The following COX16 variants were observed in gnomAD, a reference collection of about 807,000 sequenced individuals.
The protein encoded by COX16 is cytochrome c oxidase assembly protein COX16 homolog, mitochondrial.
In COX16, 12 loss-of-function variants were observed where a neutral mutation model predicts 15.4. The ratio of observed to expected loss-of-function variants is 0.78; its 90% confidence interval spans 0.50 to 1.26. COX16 has a LOEUF of 1.26. Among genes scored for constraint, COX16 ranks in the 50% most tolerant of loss-of-function variants. The pLI is 0.00. For synonymous variants in COX16, 46 were observed against 41.1 expected (o/e 1.12, Z -0.46); for missense variants, 124 against 127.6 (o/e 0.97, Z 0.14).
chr14:70,352,823 A>G (rs1247118069), intron 1 of COX16, among the ~76,000 whole-genome samples: 1 of 151,868 alleles, frequency 6.6e-6, no homozygotes, highest in African/African-American at 2.4e-5. Flanking sequence ...CCAGTAATGG[A>G]ATTTCTGGGT....
chr14:70,326,537 A>G (rs2140667451), intron 3 of COX16, 88 bp from the exon 4 acceptor site: 1 of 978,478 alleles, frequency 1.0e-6, no homozygotes, highest in East Asian at 3.1e-5. Context: ...TGAATAAATG[A>G]GTAGAAAGTA....
chr14:70,336,924 T>A (rs377166389), intron 2 of COX16, among the ~76,000 whole-genome samples: 167 of 152,308 alleles, frequency 1.1e-3, no homozygotes, highest in African/African-American at 3.8e-3. Flanking sequence ...AAAAATGCTA[T>A]TACTGCAGTC....
At chr14:70,354,275 C>A (rs77439047) in intron 1 of COX16, among the ~76,000 whole-genome samples, 14,345 of 152,212 alleles carry the variant, frequency 0.094, 747 homozygotes, top group East Asian at 0.18. Flanking sequence ...CTAATACCTG[C>A]AATGTCAAAA....
In COX16 at chr14:70,329,058, T is replaced by C. The variant is rs1886190314; in HGVS notation, c.204+116A>G. 20 of 722,138 alleles carry C rather than the reference T, an allele frequency of 2.8e-5. No individual in the cohort carries two copies. The East Asian group carries it at 2.8e-4, about 10-fold the overall frequency. The allele number at this position is 722,138 out of a possible 1,614,324, so 44.7% of individuals were successfully genotyped here. ...TTATTTGCTTTTCAAATGATTATAGTTTATCAAATACCATATATATTCAAC... is the reference window on the plus strand; with the variant it reads ...TTATTTGCTTTTCAAATGATTATAGCTTATCAAATACCATATATATTCAAC... On this transcript the variant is annotated intron_variant, in intron 3 of 3. Coordinates refer to ENST00000389912, the MANE Select transcript of COX16 (RefSeq NM_016468.7).
Position 70,353,461 on chromosome 14 carries a change from AAT to A in COX16, c.69+6056_69+6057del, listed in dbSNP as rs1005575805. On this transcript the variant is annotated intron_variant, in intron 1 of 3. Coordinates refer to ENST00000389912, the MANE Select transcript of COX16 (RefSeq NM_016468.7). ...ACACATATATATACACACATATATA[AAT>A]ATATATATATACATACACACACACA... Among the ~76,000 whole-genome samples the A allele has an allele frequency of 2.8e-4, 41 of 146,804 alleles. 1 individual carries two copies. The highest frequency in any genetic ancestry group is 1.8e-3 in the Admixed American group (26 of 14,242).
intron 2 of COX16, among the ~76,000 whole-genome samples, chr14:70,330,021 G>T (rs1004584928): frequency 6.6e-6 from 1 of 152,060 alleles, no homozygotes; most frequent in African/African-American, 2.4e-5. Context: ...AAATAAAGGG[G>T]AGGGAGAGCA....
intron 1 of COX16, among the ~76,000 whole-genome samples, chr14:70,351,460 G>A (rs2877656): frequency 0.87 from 132,565 of 152,240 alleles, 57,784 homozygotes; most frequent in East Asian, 0.93. Flanking sequence ...ACCCCTTGCA[G>A]ATAAAAGGGT....
At chr14:70,327,910 A>AC (rs1886133317) in intron 3 of COX16, among the ~76,000 whole-genome samples, 1 of 152,014 alleles carries the variant, frequency 6.6e-6, no homozygotes, top group Non-Finnish European at 1.5e-5. Flanking sequence ...TGAGTGTGGA[A>AC]CAGCGTCAAG....
chr14:70,326,251 C>CTTGA lies in COX16; in HGVS notation c.*78_*81dup, dbSNP rs1022325591. Reference sequence around the variant, plus strand: ...CCATGGGCCTGGAATTTCCTTTCCACTTGATAGAAGTATATATTAGGAAGT... The same window carrying CTTGA: ...CCATGGGCCTGGAATTTCCTTTCCACTTGATTGATAGAAGTATATATTAGGAAGT... On this transcript the variant is annotated 3_prime_UTR_variant, in exon 4 of 4. Coordinates refer to ENST00000389912, the MANE Select transcript of COX16 (RefSeq NM_016468.7). 3.1e-5 allele frequency: 36 copies of CTTGA among 1,148,104 alleles called. No homozygotes were observed. The African/African-American group carries it at 4.6e-4, about 15-fold the overall frequency. 71.1% of individuals were successfully genotyped at this position (1,148,104 alleles called of 1,614,324 possible). A position where few individuals can be genotyped will look rare whatever the true frequency, so the allele number is the denominator to read the frequency against.
rs770646986 is a variant in COX16, at chr14:70,326,471, A to T, written c.205-22T>A. The T allele has an allele frequency of 1.2e-5, 18 of 1,549,440 alleles. No individual in the cohort carries two copies. In the East Asian group the frequency reaches 3.7e-4, roughly 32 times the overall value. ...TTTTCTATAGAACCACAAAAAATTA[A>T]AGTATAAATATTAGTATAAGAGCCT... On this transcript the variant is annotated intron_variant, in intron 3 of 3. Coordinates refer to ENST00000389912, the MANE Select transcript of COX16 (RefSeq NM_016468.7).
At chr14:70,332,974 C>T (rs1308841465) in intron 2 of COX16, among the ~76,000 whole-genome samples, 1 of 152,198 alleles carries the variant, frequency 6.6e-6, no homozygotes, top group Non-Finnish European at 1.5e-5. Flanking sequence ...AACCTTGGAG[C>T]CTTCATAAGA....
At chr14:70,358,118 C>CA (rs1359848443) in intron 1 of COX16, among the ~76,000 whole-genome samples, 2 of 152,066 alleles carry the variant, frequency 1.3e-5, no homozygotes, top group South Asian at 2.1e-4. Flanking sequence ...AATCCAGTCA[C>CA]AAAAAACCCA....
At position 70,326,252 on chromosome 14, in the gene COX16, T is replaced by C; in HGVS notation, c.*81A>G. On this transcript the variant is annotated 3_prime_UTR_variant, in exon 4 of 4. Coordinates refer to ENST00000389912, the MANE Select transcript of COX16 (RefSeq NM_016468.7). The stretch of plus-strand genomic sequence containing the variant: ...CATGGGCCTGGAATTTCCTTTCCAC[T>C]TGATAGAAGTATATATTAGGAAGTC... 8.7e-7 allele frequency: 1 copy of C among 1,155,344 alleles called. No homozygotes were observed. 71.6% of individuals were successfully genotyped at this position (1,155,344 alleles called of 1,614,324 possible).
At chr14:70,339,076 TATA>T (rs1447066094) in intron 2 of COX16, among the ~76,000 whole-genome samples, 2 of 152,228 alleles carry the variant, frequency 1.3e-5, no homozygotes, top group African/African-American at 4.8e-5. Context: ...TCACAATATT[TATA>T]ATGTTAAAAA....
intron 2 of COX16, among the ~76,000 whole-genome samples, chr14:70,336,225 C>T (rs1007458053): frequency 6.6e-6 from 1 of 152,114 alleles, no homozygotes; most frequent in Non-Finnish European, 1.5e-5. Flanking sequence ...CACTGAACTC[C>T]AGCCTGGACC....
chr14:70,342,544 T>C, intron 2 of COX16, 114 bp downstream of exon 2: 1 of 922,238 alleles, frequency 1.1e-6, no homozygotes, highest in Non-Finnish European at 1.6e-6. Flanking sequence ...GATCACATCT[T>C]AGTGTTGAAA....
In COX16 at chr14:70,326,348, C is replaced by T. The variant is rs371649449; in HGVS notation, c.306G>A (p.Lys102=). Residue 102 remains lysine, a synonymous_variant, in exon 4 of 4, where the codon AAG becomes AAA. Coordinates refer to ENST00000389912, the MANE Select transcript of COX16 (RefSeq NM_016468.7). ...LLQGRNPESL[K]TKTT is the part of the protein sequence containing the mutation. The stretch of plus-strand genomic sequence containing the variant: ...ATCAGCAGAGTCAAGTTGTCTTAGT[C>T]TTAAGGCTTTCTGGATTTCTTCCTT... The T allele has an allele frequency of 1.0e-4, 162 of 1,555,766 alleles. No individual in the cohort carries two copies. Among genetic ancestry groups the T allele is most frequent in the Non-Finnish European group, 9.6e-6 (11 of 1,151,078 alleles).
intron 2 of COX16, among the ~76,000 whole-genome samples, chr14:70,335,075 G>T (rs2140698591): frequency 6.6e-6 from 1 of 152,150 alleles, no homozygotes; most frequent in South Asian, 2.1e-4. Context: ...AGATAAAATA[G>T]ACTTAAGTCA....
In COX16 at chr14:70,329,212, G is replaced by T; in HGVS notation, c.166C>A (p.Leu56Met). Residue 56 changes from leucine (L) to methionine (M), a missense_variant, in exon 3 of 4, where the codon CTG (leucine) becomes ATG (methionine). Leu to Met is a conservative substitution (Grantham distance 15). Coordinates refer to ENST00000389912, the MANE Select transcript of COX16 (RefSeq NM_016468.7). The part of the protein sequence containing the change: ...SKMDPELEKK[L>M]KENKISLESE... ...TCTAAAGATATTTTATTCTCTTTCA[G>T]TTTTTTTTCAAGCTCAGGATCCATC... 11 of 1,566,878 alleles carry T rather than the reference G, an allele frequency of 7.0e-6. No homozygotes were observed. The South Asian group carries it at 7.8e-5, about 11-fold the overall frequency.
Sources: allele counts gnomAD v4.1 joint callset (sites outside exome capture counted in the v4.1 genomes callset), GRCh38; gene constraint gnomAD v4.1.1; transcripts MANE v1.5; gene names NCBI Gene and HGNC (gene_info 2026-07-23, HGNC 2026-07-21).